LTBP2: variants seen among roughly 807,000 people sequenced by gnomAD.
LTBP2 encodes latent-transforming growth factor beta-binding protein 2.
In LTBP2, 103 loss-of-function variants were observed where a neutral mutation model predicts 210.6. That is an observed-to-expected ratio of 0.49 (90% confidence interval 0.42 to 0.58). LTBP2 has a LOEUF of 0.58. Among genes scored for constraint, LTBP2 ranks in the 20% least tolerant of loss-of-function variants. The pLI is 0.00. For synonymous variants in LTBP2, 1,007 were observed against 1,015.0 expected, an observed-to-expected ratio of 0.99 and a Z score of 0.15; for missense variants, 2,313 against 2,494.5, an observed-to-expected ratio of 0.93 and a Z score of 1.55.
At chr14:74,551,910 T>C (rs556841088) in intron 6 of LTBP2, among the ~76,000 whole-genome samples, 3 of 152,306 alleles carry the variant, frequency 2.0e-5, no homozygotes, top group African/African-American at 7.2e-5. Flanking sequence ...GGCCCATGGA[T>C]TCCTTGAGGG....
At chr14:74,525,373 C>G in intron 14 of LTBP2, 148 bp from the exon 15 acceptor site, 1 of 412,010 alleles carries the variant, frequency 2.4e-6, no homozygotes, top group Non-Finnish European at 4.4e-6. Context: ...GAAAGTTGAT[C>G]TGGCCCCACT....
At chr14:74,575,985 G>A (rs2088053356) in intron 3 of LTBP2, among the ~76,000 whole-genome samples, 1 of 152,200 alleles carries the variant, frequency 6.6e-6, no homozygotes, top group African/African-American at 2.4e-5. Flanking sequence ...CCCAAGAGAT[G>A]GAAGAAACCA....
At chr14:74,565,576 G>T (rs554897494) in intron 3 of LTBP2, among the ~76,000 whole-genome samples, 40 of 152,318 alleles carry the variant, frequency 2.6e-4, no homozygotes, top group African/African-American at 9.4e-4. Flanking sequence ...ATCTCAACAT[G>T]AGAAATCCAA....
chr14:74,547,183 T>G (rs1278902619), intron 8 of LTBP2, among the ~76,000 whole-genome samples: 1 of 152,220 alleles, frequency 6.6e-6, no homozygotes, highest in Non-Finnish European at 1.5e-5. Context: ...GGCTCTATTT[T>G]CATTTTCACT....
Position 74,508,078 on chromosome 14 carries a change from T to C in LTBP2, c.3670A>G (p.Thr1224Ala), listed in dbSNP as rs1206993366. 6.2e-7 allele frequency: 1 copy of C among 1,613,850 alleles called. No individual in the cohort carries two copies. The highest frequency in any genetic ancestry group is 1.3e-5 in the African/African-American group (1 of 75,068). ...TGCCCTCCCACACACGGGTCTGTGGTGGCACACTCGTCCACATCTAGAGTA... is the reference window on the plus strand; with the variant it reads ...TGCCCTCCCACACACGGGTCTGTGGCGGCACACTCGTCCACATCTAGAGTA... ...TSCQDVDECA[T>A]TDPCVGGHCV... Residue 1224 changes from threonine to alanine, a missense_variant, in exon 25 of 36, where the codon ACC becomes GCC. Coordinates refer to ENST00000261978, the MANE Select transcript of LTBP2 (RefSeq NM_000428.3).
chr14:74,498,250 A>G lies in LTBP2; in HGVS notation c.*2634T>C, dbSNP rs2086872028. The G allele has an allele frequency of 5.5e-6, 1 of 181,260 alleles. No individual in the cohort carries two copies. The highest frequency in any genetic ancestry group is 2.4e-5 in the African/African-American group (1 of 42,552). The allele number at this position is 181,260 out of a possible 1,614,324, so 11.2% of individuals were successfully genotyped here. ...ATGGTACAAAATTCAAAAAAATACAAAAGGAGATACAGTGAAAAGTCTCCC... is the reference window on the plus strand; with the variant it reads ...ATGGTACAAAATTCAAAAAAATACAGAAGGAGATACAGTGAAAAGTCTCCC... On this transcript the variant is annotated 3_prime_UTR_variant, in exon 36 of 36. Coordinates refer to ENST00000261978, the MANE Select transcript of LTBP2 (RefSeq NM_000428.3).
chr14:74,538,595 TAGA>T (rs1412313453), intron 8 of LTBP2, among the ~76,000 whole-genome samples: 2 of 152,050 alleles, frequency 1.3e-5, no homozygotes. Flanking sequence ...CAAAGACAAA[TAGA>T]AGGAGGCACC....
chr14:74,517,119 G>A (rs2087146684), intron 17 of LTBP2, among the ~76,000 whole-genome samples, 178 bp from the exon 18 acceptor site: 1 of 152,178 alleles, frequency 6.6e-6, no homozygotes, highest in Non-Finnish European at 1.5e-5. Context: ...GGCCAGGTCT[G>A]AAATGATCTA....
rs750208438 is a variant in LTBP2 at position 74,528,486 on chromosome 14, T to G, written c.2365A>C (p.Lys789Gln). Residue 789 changes from lysine to glutamine, a missense_variant, in exon 12 of 36, where the codon AAG becomes CAG. This residue lies in a region of LTBP2 where 1,867 missense variants were observed against 1,976.9 expected (regional missense o/e 0.94). Coordinates refer to ENST00000261978, the MANE Select transcript of LTBP2 (RefSeq NM_000428.3). ...TWLEAGTIPD[K>Q]GDSQAGQVTT... ...GCATCTCCCCCAGCTCAGATACCCTTGTCAGGGATGGTCCCGGCCTCAAGC... is the reference window on the plus strand; with the variant it reads ...GCATCTCCCCCAGCTCAGATACCCTGGTCAGGGATGGTCCCGGCCTCAAGC... 1.9e-6 allele frequency: 3 copies of G among 1,611,788 alleles called. No individual in the cohort carries two copies. The South Asian group carries it at 3.3e-5, about 18-fold the overall frequency.
intron 2 of LTBP2, among the ~76,000 whole-genome samples, chr14:74,596,158 G>A (rs1231827629): frequency 1.3e-5 from 2 of 151,998 alleles, no homozygotes; most frequent in East Asian, 1.9e-4. Context: ...CTGGGAGGCC[G>A]AGATTACAGT....
intron 2 of LTBP2, among the ~76,000 whole-genome samples, chr14:74,588,178 G>A (rs548733557): frequency 2.0e-5 from 3 of 152,168 alleles, no homozygotes; most frequent in African/African-American, 2.4e-5. Context: ...TTCACTGGGC[G>A]TGCCCTGCAT....
chr14:74,606,221 C>T (rs2088524529), intron 1 of LTBP2, among the ~76,000 whole-genome samples: 1 of 152,180 alleles, frequency 6.6e-6, no homozygotes. Flanking sequence ...TGCTATTCCA[C>T]CTGGGCCAAA....
chr14:74,585,881 G>A lies in LTBP2; in HGVS notation c.803C>T (p.Pro268Leu), dbSNP rs559429252. 2.4e-5 allele frequency: 39 copies of A among 1,613,932 alleles called. No homozygotes were observed. The highest frequency in any genetic ancestry group is 8.0e-5 in the African/African-American group (6 of 75,038). Residue 268 changes from proline (P) to leucine (L), a missense_variant, in exon 3 of 36, where the codon CCG (proline) becomes CTG (leucine). Coordinates refer to ENST00000261978, the MANE Select transcript of LTBP2 (RefSeq NM_000428.3). ...ARAQPPAPQS[P>L]PAPQSPPAGT... ...AGCTGGTGGCGACTGTGGTGCGGGC[G>A]GCGACTGTGGTGCTGGCGGCTGTGC...
intron 8 of LTBP2, among the ~76,000 whole-genome samples, chr14:74,542,677 A>C (rs1328604817): frequency 6.6e-6 from 1 of 152,090 alleles, no homozygotes; most frequent in Non-Finnish European, 1.5e-5. Context: ...GTAGGAGTGC[A>C]GGTGCTGGGG....
In LTBP2 at chr14:74,586,514, A is replaced by G. The variant is rs1297925302; in HGVS notation, c.566-396T>C. ...TTGACTAGGGATTGCCACAGAGTAG[A>G]TTCTCAGTAAACATGGAGCGAATGG... On this transcript the variant is annotated intron_variant, in intron 2 of 35. Transcript: ENST00000261978. This position sits in a 1 kb window ranked among gnomAD's most constrained non-coding sequence, Gnocchi z 4.6. 2.0e-5 allele frequency among the ~76,000 whole-genome samples: 3 copies of G among 152,188 alleles called. No homozygotes were observed. Among genetic ancestry groups the G allele is most frequent in the African/African-American group, 7.2e-5 (3 of 41,450 alleles).
chr14:74,562,779 CTA>C (rs931736494), intron 3 of LTBP2, among the ~76,000 whole-genome samples: 5 of 152,142 alleles, frequency 3.3e-5, no homozygotes, highest in African/African-American at 1.2e-4. Context: ...ATTTGTGAGA[CTA>C]TGCAGAAACA....
chr14:74,499,253 G>C lies in LTBP2; in HGVS notation c.*1631C>G, dbSNP rs183119073. ...TGAGTGAAAGAATATTTTTACATGCGTAAGAGTGACTTATTTTTGTCTGCT... is the reference window on the plus strand; with the variant it reads ...TGAGTGAAAGAATATTTTTACATGCCTAAGAGTGACTTATTTTTGTCTGCT... On this transcript the variant is annotated 3_prime_UTR_variant, in exon 36 of 36. Transcript: ENST00000261978. 1.4e-5 allele frequency: 3 copies of C among 217,182 alleles called. No individual in the cohort carries two copies. The Admixed American group carries it at 1.7e-4, about 13-fold the overall frequency. The allele number at this position is 217,182 out of a possible 1,614,324, so 13.5% of individuals were successfully genotyped here.
chr14:74,505,665 G>A (rs917169472), intron 28 of LTBP2, among the ~76,000 whole-genome samples: 8 of 152,066 alleles, frequency 5.3e-5, no homozygotes, highest in South Asian at 2.1e-4. Context: ...AGGAGCTCTC[G>A]GGTGGAGTGG....
In LTBP2 at chr14:74,581,555, C is replaced by A. The variant is rs139193114; in HGVS notation, c.830+4299G>T. Among the ~76,000 whole-genome samples the A allele has an allele frequency of 1.2e-3, 176 of 152,204 alleles. 7 individuals carry two copies. In the East Asian group the frequency reaches 0.031, roughly 27 times the overall value. ...GTGGCCTCAAGCCAAGGAATGAGGG[C>A]AGCTCCTGATATGGCCCTCAAGTGA... On this transcript the variant is annotated intron_variant, in intron 3 of 35. Coordinates refer to ENST00000261978, the MANE Select transcript of LTBP2 (RefSeq NM_000428.3).
Sources: allele counts gnomAD v4.1 joint callset (sites outside exome capture counted in the v4.1 genomes callset), GRCh38; gene constraint gnomAD v4.1.1; regional missense constraint gnomAD v4.1.1; non-coding constraint Gnocchi (gnomAD v3.1); transcripts MANE v1.5; gene names NCBI Gene and HGNC (gene_info 2026-07-23, HGNC 2026-07-21).